The following CXorf38 variants were observed in gnomAD, a reference collection of about 807,000 sequenced individuals.
The protein encoded by CXorf38 is chromosome X open reading frame 38, also known as uncharacterized protein CXorf38.
CXorf38 carries 13 observed loss-of-function variants against 27.5 expected under a neutral mutation model. The observed-to-expected ratio is 0.47, with a 90% confidence interval of 0.31 to 0.75. CXorf38 has a LOEUF of 0.75. Among genes scored for constraint, CXorf38 ranks in the 30% least tolerant of loss-of-function variants. The probability of loss-of-function intolerance (pLI) is 0.05; values close to 1 mark genes in which losing one functional copy is unlikely to be tolerated. For synonymous variants in CXorf38, 100 were observed against 99.8 expected (o/e 1.00, Z -0.01); for missense variants, 240 against 253.2 (o/e 0.95, Z 0.35).
At position 40,630,170 on chromosome X, in the gene CXorf38, G is replaced by C. The variant is rs1378826573; in HGVS notation, c.*2-8C>G. The C allele has an allele frequency of 2.7e-5, 3 of 112,331 alleles. No individual in the cohort carries two copies. The highest frequency in any genetic ancestry group is 9.8e-5 in the African/African-American group (3 of 30,695). The allele number at this position is 112,331 out of a possible 1,213,427, so 9.3% of individuals were successfully genotyped here. The stretch of plus-strand genomic sequence containing the variant: ...TTTTTGTTGACGGGCAACCTAAAAT[G>C]AAAGAGAATGTTTTATTTATTTTTT... On this transcript the variant is annotated splice_polypyrimidine_tract_variant and splice_region_variant and intron_variant, in intron 6 of 6. Coordinates refer to ENST00000327877, the MANE Select transcript of CXorf38 (RefSeq NM_144970.3).
chrX:40,636,549 T>C lies in CXorf38; in HGVS notation c.785A>G (p.Glu262Gly), dbSNP rs1335653796. ...TTCTTTTACCTCTTCAGGCAACACC[T>C]CTTGTTCTTCTGCTTGAAGATATAT... ...QEIYLQAEEQ[E>G]VLPEELSNRL... Residue 262 changes from glutamate to glycine, a missense_variant, in exon 5 of 7, where the codon GAG (glutamate) becomes GGG (glycine). By Grantham distance (98) the Glu-to-Gly change is moderately conservative (BLOSUM62 -2). Transcript: ENST00000327877. 1 of 1,202,961 alleles carries C rather than the reference T, an allele frequency of 8.3e-7. No homozygotes were observed. Among genetic ancestry groups the C allele is most frequent in the South Asian group, 1.8e-5 (1 of 56,511 alleles).
Position 40,637,141 on chromosome X carries a change from TACG to T in CXorf38, c.484_486del (p.Arg162del), listed in dbSNP as rs1928108168. ...ATCTCTGAAGAGTGCATGATCTCAT[TACG>T]ACATTTAATTACCTGCAGAAAGACA... is the stretch of plus-strand genomic sequence containing the variant. On this transcript the variant is annotated inframe_deletion, in exon 4 of 7. Transcript: ENST00000327877. 2 of 1,168,225 alleles carry T rather than the reference TACG, an allele frequency of 1.7e-6. No individual in the cohort carries two copies. Among genetic ancestry groups the T allele is most frequent in the Admixed American group, 2.5e-5 (1 of 39,960 alleles).
intron 5 of CXorf38, among the ~76,000 whole-genome samples, chrX:40,632,530 G>C (rs1370191673): frequency 9.0e-6 from 1 of 111,705 alleles, no homozygotes; most frequent in Non-Finnish European, 1.9e-5. Flanking sequence ...ATGTGCTTAA[G>C]AGGTGTTCTG....
intron 2 of CXorf38, among the ~76,000 whole-genome samples, chrX:40,644,446 C>T (rs1235064100): frequency 8.9e-6 from 1 of 112,010 alleles, no homozygotes; most frequent in African/African-American, 3.3e-5. Flanking sequence ...GTCAGCCCTC[C>T]ATATCCACGA....
chrX:40,644,739 AG>A (rs1264546253), intron 2 of CXorf38, among the ~76,000 whole-genome samples: 2 of 111,841 alleles, frequency 1.8e-5, no homozygotes, highest in Non-Finnish European at 3.8e-5. Context: ...CCCATGGATA[AG>A]GAGAGACAAC....
At position 40,647,288 on chromosome X, in the gene CXorf38, C is replaced by T. The variant is rs1928641761; in HGVS notation, c.216+17G>A. The T allele has an allele frequency of 9.1e-6, 10 of 1,095,207 alleles. No individual in the cohort carries two copies. Among genetic ancestry groups the T allele is most frequent in the Non-Finnish European group, 1.2e-5 (10 of 844,537 alleles). 90.3% of individuals were successfully genotyped at this position (1,095,207 alleles called of 1,213,427 possible). A position where few individuals can be genotyped will look rare whatever the true frequency, so the allele number is the denominator to read the frequency against. The stretch of plus-strand genomic sequence containing the variant: ...TGGGGTGGGGGCGGTGGTCAAGGCC[C>T]CGAGCCAGGTGCTCACCTGGCGGGC... On this transcript the variant is annotated intron_variant, in intron 1 of 6. Coordinates refer to ENST00000327877, the MANE Select transcript of CXorf38 (RefSeq NM_144970.3).
Position 40,636,823 on chromosome X carries a change from G to A in CXorf38, c.622-111C>T, listed in dbSNP as rs769632677. The stretch of plus-strand genomic sequence containing the variant: ...AATGAACTGGATCCATATTAATAGT[G>A]CACTGTGACCACAGAAAAGCTTCTC... On this transcript the variant is annotated intron_variant, in intron 4 of 6. Coordinates refer to ENST00000327877, the MANE Select transcript of CXorf38 (RefSeq NM_144970.3). 2.4e-5 allele frequency: 19 copies of A among 807,763 alleles called. No individual in the cohort carries two copies. In the East Asian group the frequency reaches 3.1e-4, roughly 13 times the overall value. The allele number at this position is 807,763 out of a possible 1,213,427, so 66.6% of individuals were successfully genotyped here.
At position 40,647,458 on chromosome X, in the gene CXorf38, C is replaced by G. The variant is rs1928658762; in HGVS notation, c.63G>C (p.Ala21=). The part of the protein sequence containing the change: ...NCAEYKNWVK[A]GHCLLLLRSC... ...TGCGCAGCAGTAACAGGCAGTGGCC[C>G]GCCTTCACCCAGTTCTTGTACTCGG... Residue 21 remains alanine (A), a synonymous_variant, in exon 1 of 7, where the codon GCG becomes GCC. Coordinates refer to ENST00000327877, the MANE Select transcript of CXorf38 (RefSeq NM_144970.3). 3 of 1,193,796 alleles carry G rather than the reference C, an allele frequency of 2.5e-6. No homozygotes were observed. The highest frequency in any genetic ancestry group is 3.4e-6 in the Non-Finnish European group (3 of 889,116).
rs774947484 is a variant in CXorf38, at chrX:40,637,149, T to G, written c.479A>C (p.Lys160Thr). 2 of 1,160,504 alleles carry G rather than the reference T, an allele frequency of 1.7e-6. No individual in the cohort carries two copies. Among genetic ancestry groups the G allele is most frequent in the Non-Finnish European group, 2.3e-6 (2 of 866,853 alleles). The change falls in exon 4 of 7, where the codon AAA becomes ACA. Residue 160 changes from lysine to threonine, a missense_variant. Physicochemically the swap from Lys to Thr is moderately conservative, Grantham distance 78. Coordinates refer to ENST00000327877, the MANE Select transcript of CXorf38 (RefSeq NM_144970.3). The part of the protein sequence containing the change: ...VDRKKVTEVI[K>T]CRNEIMHSSE... ...AGAGTGCATGATCTCATTACGACAT[T>G]TAATTACCTGCAGAAAGACAAAAAG...
chrX:40,646,676 A>G (rs1928594161), intron 2 of CXorf38, among the ~76,000 whole-genome samples: 1 of 111,215 alleles, frequency 9.0e-6, no homozygotes, highest in Admixed American at 9.5e-5. Context: ...ACCCTCAAAC[A>G]GGCCACACAA....
intron 2 of CXorf38, among the ~76,000 whole-genome samples, chrX:40,642,041 T>G (rs1490632278): frequency 9.0e-6 from 1 of 111,603 alleles, no homozygotes; most frequent in Non-Finnish European, 1.9e-5. Flanking sequence ...AGACTGCACA[T>G]GCTGCTGTGT....
intron 2 of CXorf38, among the ~76,000 whole-genome samples, chrX:40,643,072 A>C (rs768546903): frequency 9.2e-6 from 1 of 109,199 alleles, no homozygotes; most frequent in Non-Finnish European, 1.9e-5. Flanking sequence ...CACCGCGCCC[A>C]GCCACGCCCG....
chrX:40,635,581 C>G (rs1928033195), intron 5 of CXorf38, among the ~76,000 whole-genome samples: 1 of 113,008 alleles, frequency 8.8e-6, no homozygotes, highest in Admixed American at 9.3e-5. Context: ...GAATATAATT[C>G]TACTACTGTT....
intron 2 of CXorf38, chrX:40,639,722 G>C (rs1928233814): frequency 8.4e-6 from 1 of 118,759 alleles, no homozygotes; most frequent in African/African-American, 3.3e-5. Flanking sequence ...CACTAGCACA[G>C]TGCTAGGCAC....
In CXorf38 at chrX:40,647,004, T is replaced by C. The variant is rs1166728387; in HGVS notation, c.351+3A>G. On this transcript the variant is annotated splice_donor_region_variant and intron_variant, in intron 2 of 6. Transcript: ENST00000327877. ...TCCTTCCGTCCCCGCCTCAGGCGCT[T>C]ACCTTGGCCACCTCCCAGGCGTCCA... is the stretch of plus-strand genomic sequence containing the variant. The C allele has an allele frequency of 1.7e-6, 2 of 1,208,004 alleles. No homozygotes were observed. Among genetic ancestry groups the C allele is most frequent in the African/African-American group, 3.5e-5 (2 of 56,992 alleles).
chrX:40,631,484 T>G (rs1452483365), intron 5 of CXorf38, among the ~76,000 whole-genome samples: 2 of 110,521 alleles, frequency 1.8e-5, no homozygotes, highest in African/African-American at 6.6e-5. Flanking sequence ...ATTTTTGTTT[T>G]TAGTAGAGAC....
At chrX:40,631,831 C>T in intron 5 of CXorf38, among the ~76,000 whole-genome samples, 1 of 111,297 alleles carries the variant, frequency 9.0e-6, no homozygotes, top group East Asian at 2.8e-4. Flanking sequence ...ATCATGGCTG[C>T]TGGGGATGGG....
chrX:40,630,316 G>A (rs1039734528), intron 6 of CXorf38, 154 bp from the exon 7 acceptor site: 2 of 192,236 alleles, frequency 1.0e-5, no homozygotes, highest in African/African-American at 5.9e-5. Context: ...CATCAATGGT[G>A]TCATTTTAAG....
At chrX:40,633,679 A>G (rs948979372) in intron 5 of CXorf38, among the ~76,000 whole-genome samples, 23 of 112,152 alleles carry the variant, frequency 2.1e-4, no homozygotes, top group African/African-American at 7.4e-4. Context: ...AATGGCCTTG[A>G]GTACACACTG....
Sources: gnomAD v4.1 joint callset for allele counts (sites outside exome capture counted in the v4.1 genomes callset) on GRCh38, gnomAD v4.1.1 for gene constraint, MANE v1.5 for transcripts, NCBI Gene and HGNC (gene_info 2026-07-23, HGNC 2026-07-21) for gene names.